Variants in IGFBPL1 observed in about 807,000 individuals in gnomAD.
The protein encoded by IGFBPL1 is insulin-like growth factor-binding protein-like 1.
Under a neutral mutation model 23.9 loss-of-function variants are expected in IGFBPL1, and 20 were observed. The observed-to-expected ratio is 0.84, with a 90% CI of 0.59 to 1.22. IGFBPL1 has a LOEUF of 1.22. Among genes scored for constraint, IGFBPL1 ranks in the 50% most tolerant of loss-of-function variants. The probability of loss-of-function intolerance (pLI) is 0.00; values close to 1 mark genes in which losing one functional copy is unlikely to be tolerated. For synonymous variants in IGFBPL1, 184 were observed against 171.8 expected, an observed-to-expected ratio of 1.07 and a Z score of -0.56; for missense variants, 436 against 379.3, an observed-to-expected ratio of 1.15 and a Z score of -1.24.
chr9:38,413,278 G>C lies in IGFBPL1; in HGVS notation c.646C>G (p.Arg216Gly). The change falls in exon 3 of 5, where the codon CGA becomes GGA. Residue 216 changes from arginine to glycine, a missense_variant. Arg to Gly is a moderately radical substitution (Grantham distance 125, BLOSUM62 -2). Coordinates refer to ENST00000377694, the MANE Select transcript of IGFBPL1 (RefSeq NM_001007563.3). ...GDHVNIAVQV[R>G]GGPSDHEATA... The stretch of plus-strand genomic sequence containing the variant: ...GCCTCATGGTCAGAAGGGCCCCCTC[G>C]CACTTGGACAGCTATATTGACATGG... The C allele has an allele frequency of 1.2e-6, 2 of 1,613,896 alleles. No individual in the cohort carries two copies. The highest frequency in any genetic ancestry group is 1.7e-6 in the Non-Finnish European group (2 of 1,179,870).
chr9:38,415,556 C>T (rs1004067169), intron 1 of IGFBPL1, among the ~76,000 whole-genome samples: 55 of 152,298 alleles, frequency 3.6e-4, no homozygotes, highest in African/African-American at 1.3e-3. Flanking sequence ...TCTGGAAAAT[C>T]GCCTTAGAGC....
At chr9:38,413,414 C>A in intron 2 of IGFBPL1, 61 bp from the exon 3 acceptor site, 2 of 1,081,316 alleles carry the variant, frequency 1.8e-6, no homozygotes, top group African/African-American at 1.6e-5. Flanking sequence ...TAAAGACCAT[C>A]CCATAGGCTT....
At chr9:38,415,231 G>A (rs951091223) in intron 1 of IGFBPL1, among the ~76,000 whole-genome samples, 7 of 152,204 alleles carry the variant, frequency 4.6e-5, no homozygotes, top group Non-Finnish European at 1.0e-4. Context: ...AAGGATGACT[G>A]GATGAACAAA....
At chr9:38,411,331 G>T in intron 4 of IGFBPL1, 60 bp downstream of exon 4, 2 of 1,428,650 alleles carry the variant, frequency 1.4e-6, no homozygotes, top group Non-Finnish European at 1.9e-6. Flanking sequence ...GGTCTTATAA[G>T]CCACCTCAAA....
intron 1 of IGFBPL1, among the ~76,000 whole-genome samples, chr9:38,416,126 C>T (rs1226554740): frequency 1.3e-5 from 2 of 152,200 alleles, no homozygotes; most frequent in African/African-American, 4.8e-5. Flanking sequence ...ACCACACAAG[C>T]GCTGGGATGC....
Position 38,411,549 on chromosome 9 carries a change from T to C in IGFBPL1, c.688A>G (p.Ile230Val). Residue 230 changes from isoleucine (I) to valine (V), a missense_variant and splice_region_variant, in exon 4 of 5, where the codon ATC becomes GTC. By Grantham distance (29) the Ile-to-Val change is conservative. Transcript: ENST00000377694. The stretch of plus-strand genomic sequence containing the variant: ...TCATCCTCCTTTCGCAGGGGGTTGA[T>C]CTAGAAATACAACAGGCAAGTTTAT... ...SDHEATAWIL[I>V]NPLRKEDEGV... is the part of the protein sequence containing the mutation. The C allele has an allele frequency of 1.2e-6, 2 of 1,613,502 alleles. No homozygotes were observed. The highest frequency in any genetic ancestry group is 1.1e-5 in the South Asian group (1 of 90,898).
rs1041154734 is a variant in IGFBPL1, at chr9:38,406,749, G to A, written c.*2478C>T. Among the ~76,000 whole-genome samples the A allele has an allele frequency of 6.6e-6, 1 of 151,666 alleles. No individual in the cohort carries two copies. Among genetic ancestry groups the A allele is most frequent in the Non-Finnish European group, 1.5e-5 (1 of 67,952 alleles). On this transcript the variant is annotated 3_prime_UTR_variant, in exon 5 of 5. Transcript: ENST00000377694. Reference sequence around the variant, plus strand: ...GAGGTTGGAACAATCATGTTAATGCGCCTTTTTGGTTTTGGTGAAAATTTC... The same window carrying A: ...GAGGTTGGAACAATCATGTTAATGCACCTTTTTGGTTTTGGTGAAAATTTC...
rs546846535 is a variant in IGFBPL1 at position 38,408,365 on chromosome 9, T to C, written c.*862A>G. 6.7e-6 allele frequency among the ~76,000 whole-genome samples: 1 copy of C among 149,472 alleles called. No individual in the cohort carries two copies. The highest frequency in any genetic ancestry group is 6.7e-5 in the Admixed American group (1 of 14,980). ...ATCACTCGAGCCCAGAAAGTGGAGG[T>C]TGCAGTGAGCCATGATCACGCCACT... On this transcript the variant is annotated 3_prime_UTR_variant, in exon 5 of 5. Transcript: ENST00000377694.
chr9:38,410,650 G>A (rs955987066), intron 4 of IGFBPL1, among the ~76,000 whole-genome samples: 3 of 152,162 alleles, frequency 2.0e-5, no homozygotes, highest in Non-Finnish European at 4.4e-5. Flanking sequence ...CATGGGGCAG[G>A]GCCACAGCCA....
intron 4 of IGFBPL1, among the ~76,000 whole-genome samples, chr9:38,410,395 G>A (rs373079909): frequency 1.1e-4 from 16 of 151,682 alleles, no homozygotes; most frequent in East Asian, 1.9e-4. Flanking sequence ...AGGCAGGAGA[G>A]TGGCGTGAAC....
At chr9:38,421,861 A>C (rs1821684525) in intron 1 of IGFBPL1, among the ~76,000 whole-genome samples, 1 of 152,164 alleles carries the variant, frequency 6.6e-6, no homozygotes, top group Non-Finnish European at 1.5e-5. Flanking sequence ...GATGACACAA[A>C]GGCTGGTGCG....
intron 1 of IGFBPL1, among the ~76,000 whole-genome samples, chr9:38,421,923 T>A (rs1191678194): frequency 6.6e-6 from 1 of 152,232 alleles, no homozygotes; most frequent in Non-Finnish European, 1.5e-5. Flanking sequence ...AATGAGATCA[T>A]GAAAACCAGT....
Position 38,424,056 on chromosome 9 carries a change from G to A in IGFBPL1, c.369C>T (p.Pro123=). ...CGCGCAGGCGCAGCGCGCAGACGCT[G>A]GGGTACGAGCGACCGTCGGAGCCGC... The part of the protein sequence containing the change: ...TVCGSDGRSY[P]SVCALRLRAR... The change falls in exon 1 of 5, where the codon CCC becomes CCT. Residue 123 remains proline, a synonymous_variant. Coordinates refer to ENST00000377694, the MANE Select transcript of IGFBPL1 (RefSeq NM_001007563.3). The A allele has an allele frequency of 2.1e-6, 3 of 1,399,190 alleles. No individual in the cohort carries two copies. Among genetic ancestry groups the A allele is most frequent in the South Asian group, 1.6e-5 (1 of 64,142 alleles). The allele number at this position is 1,399,190 out of a possible 1,614,324, so 86.7% of individuals were successfully genotyped here. A position where few individuals can be genotyped will look rare whatever the true frequency, so the allele number is the denominator to read the frequency against.
rs553378132 is a variant in IGFBPL1 at position 38,407,051 on chromosome 9, C to A, written c.*2176G>T. Among the ~76,000 whole-genome samples the A allele has an allele frequency of 2.0e-5, 3 of 151,924 alleles. No individual in the cohort carries two copies. In the South Asian group the frequency reaches 6.3e-4, roughly 32 times the overall value. ...CATTTCACTAAGGGTCTGACCAACT[C>A]ATCTCCCAACCATTCAAGACACAGG... On this transcript the variant is annotated 3_prime_UTR_variant, in exon 5 of 5. Coordinates refer to ENST00000377694, the MANE Select transcript of IGFBPL1 (RefSeq NM_001007563.3).
chr9:38,414,154 CGCCCCGGT>C lies in IGFBPL1; in HGVS notation c.502_509del (p.Thr168AlafsTer7). Reference sequence around the variant, plus strand: ...TCACTTCACAGGACAGGCCCACCTGCGCCCCGGTGACGTTGTGAACACTTCGGGGAGGA... The same window carrying C: ...TCACTTCACAGGACAGGCCCACCTGCGACGTTGTGAACACTTCGGGGAGGA... On this transcript the variant is annotated frameshift_variant, in exon 2 of 5. Coordinates refer to ENST00000377694, the MANE Select transcript of IGFBPL1 (RefSeq NM_001007563.3). LOFTEE classifies it high-confidence loss of function. 1 of 1,612,144 alleles carries C rather than the reference CGCCCCGGT, an allele frequency of 6.2e-7. No homozygotes were observed. The highest frequency in any genetic ancestry group is 8.5e-7 in the Non-Finnish European group (1 of 1,179,202).
intron 1 of IGFBPL1, among the ~76,000 whole-genome samples, chr9:38,415,597 A>G (rs960063820): frequency 6.6e-6 from 1 of 152,190 alleles, no homozygotes; most frequent in Non-Finnish European, 1.5e-5. Flanking sequence ...GCTCTTTAGC[A>G]TCCTGATTCT....
chr9:38,412,607 T>C (rs1821530111), intron 3 of IGFBPL1, among the ~76,000 whole-genome samples: 2 of 152,206 alleles, frequency 1.3e-5, no homozygotes, highest in African/African-American at 4.8e-5. Flanking sequence ...CGCCACAAGC[T>C]GAGTGCCTTA....
At chr9:38,412,252 C>T (rs1197527045) in intron 3 of IGFBPL1, among the ~76,000 whole-genome samples, 1 of 152,170 alleles carries the variant, frequency 6.6e-6, no homozygotes, top group Non-Finnish European at 1.5e-5. Flanking sequence ...TAAACTCATG[C>T]CAGTCGTGGG....
At chr9:38,413,952 G>A in intron 2 of IGFBPL1, 142 bp downstream of exon 2, 1 of 617,266 alleles carries the variant, frequency 1.6e-6, no homozygotes, top group Non-Finnish European at 2.9e-6. Flanking sequence ...TCATCCTCTG[G>A]CCCACCTATA....
Sources: allele counts gnomAD v4.1 joint callset (sites outside exome capture counted in the v4.1 genomes callset), GRCh38; gene constraint gnomAD v4.1.1; transcripts MANE v1.5; gene names NCBI Gene and HGNC (gene_info 2026-07-23, HGNC 2026-07-21).